The following ZCCHC2 variants were observed in gnomAD, a reference collection of about 807,000 sequenced individuals.
ZCCHC2 encodes zinc finger CCHC-type containing 2, also known as zinc finger CCHC domain-containing protein 2.
Under a neutral mutation model 103.6 loss-of-function variants are expected in ZCCHC2, and 39 were observed. The ratio of observed to expected loss-of-function variants is 0.38; its 90% CI spans 0.29 to 0.49. ZCCHC2 has a LOEUF of 0.49. Ranked by LOEUF, ZCCHC2 falls within the 20% of genes least tolerant of loss-of-function variation. The pLI is 0.96. For synonymous variants in ZCCHC2, 687 were observed against 608.9 expected (o/e 1.13, Z -1.89); for missense variants, 1,483 against 1,491.0 (o/e 0.99, Z 0.09).
At chr18:62,558,957 G>A (rs1314168565) in intron 7 of ZCCHC2, among the ~76,000 whole-genome samples, 187 bp downstream of exon 7, 1 of 152,212 alleles carries the variant, frequency 6.6e-6, no homozygotes, top group East Asian at 1.9e-4. Flanking sequence ...TCAATAAATG[G>A]TGTGTGGACA....
intron 3 of ZCCHC2, 144 bp from the exon 4 acceptor site, chr18:62,544,658 T>C (rs1434305653): frequency 1.4e-5 from 9 of 630,112 alleles, no homozygotes; most frequent in Admixed American, 7.3e-5. Flanking sequence ...TTTGAAATTA[T>C]GACAATGCCA....
At position 62,523,597 on chromosome 18, in the gene ZCCHC2, T is replaced by G; in HGVS notation, c.173T>G (p.Leu58Arg). The change falls in exon 1 of 14, where the codon CTG (leucine) becomes CGG (arginine). Residue 58 changes from leucine to arginine, a missense_variant. By Grantham distance (102) the Leu-to-Arg change is moderately radical. Coordinates refer to ENST00000269499, the MANE Select transcript of ZCCHC2 (RefSeq NM_017742.6). ...PPPAGPSRGP[L>R]PPPPPPRGLG... ...CCCGCGGGCCCGTCGCGGGGCCCTC[T>G]GCCGCCGCCGCCGCCGCCCCGGGGA... The G allele has an allele frequency of 9.7e-7, 1 of 1,036,038 alleles. No homozygotes were observed. Among genetic ancestry groups the G allele is most frequent in the East Asian group, 6.7e-5 (1 of 14,898 alleles). The allele number at this position is 1,036,038 out of a possible 1,614,324, so 64.2% of individuals were successfully genotyped here. A position where few individuals can be genotyped will look rare whatever the true frequency, so the allele number is the denominator to read the frequency against.
At chr18:62,525,645 A>AC (rs1287701963) in intron 1 of ZCCHC2, 2 of 151,444 alleles carry the variant, frequency 1.3e-5, no homozygotes, top group Admixed American at 6.6e-5. Flanking sequence ...TCTAGCCTGA[A>AC]CCCCTTTTTT....
intron 5 of ZCCHC2, among the ~76,000 whole-genome samples, chr18:62,554,486 A>C (rs1295124587): frequency 6.6e-6 from 1 of 152,186 alleles, no homozygotes; most frequent in South Asian, 2.1e-4. Flanking sequence ...TGATTTTTTA[A>C]TATCGGTATA....
intron 11 of ZCCHC2, among the ~76,000 whole-genome samples, chr18:62,567,058 C>T (rs1167655089): frequency 6.6e-6 from 1 of 152,140 alleles, no homozygotes; most frequent in Non-Finnish European, 1.5e-5. Flanking sequence ...CCTCTATATC[C>T]GTCACCGATT....
rs1049751418 is a variant in ZCCHC2, at chr18:62,524,218, T to A, written c.794T>A (p.Met265Lys). The A allele has an allele frequency of 6.5e-7, 1 of 1,549,860 alleles. No individual in the cohort carries two copies. Among genetic ancestry groups the A allele is most frequent in the Admixed American group, 2.0e-5 (1 of 50,976 alleles). ...GAGGAACTGCTGCTGCTCTTCACCATGGCCTCGCTGCACCCGGCTTTCTCC... is the reference window on the plus strand; with the variant it reads ...GAGGAACTGCTGCTGCTCTTCACCAAGGCCTCGCTGCACCCGGCTTTCTCC... ...AQEELLLLFT[M>K]ASLHPAFSFH... The change falls in exon 1 of 14, where the codon ATG (methionine) becomes AAG (lysine). Residue 265 changes from methionine to lysine, a missense_variant. Physicochemically the swap from Met to Lys is moderately conservative, Grantham distance 95. This residue lies in a region of ZCCHC2 where 568 missense variants were observed against 525.1 expected (regional missense o/e 1.08). Coordinates refer to ENST00000269499, the MANE Select transcript of ZCCHC2 (RefSeq NM_017742.6).
At chr18:62,542,819 T>C (rs1328669244) in intron 3 of ZCCHC2, among the ~76,000 whole-genome samples, 5 of 152,226 alleles carry the variant, frequency 3.3e-5, no homozygotes, top group African/African-American at 1.2e-4. Context: ...GGGACGCAAT[T>C]AAGATGTAAG....
intron 5 of ZCCHC2, among the ~76,000 whole-genome samples, chr18:62,555,550 T>C (rs1410557358): frequency 6.6e-6 from 1 of 152,212 alleles, no homozygotes; most frequent in Admixed American, 6.5e-5. Context: ...GGCTCACGCC[T>C]GTAATCCCAG....
chr18:62,527,825 T>A (rs1028261778), intron 1 of ZCCHC2, among the ~76,000 whole-genome samples: 1 of 152,246 alleles, frequency 6.6e-6, no homozygotes, highest in African/African-American at 2.4e-5. Context: ...AGCCAAACTA[T>A]AAATTGTGTG....
chr18:62,559,193 C>G (rs1358360599), intron 7 of ZCCHC2, among the ~76,000 whole-genome samples: 1 of 152,174 alleles, frequency 6.6e-6, no homozygotes, highest in Non-Finnish European at 1.5e-5. Flanking sequence ...TAGAGCTTCT[C>G]TGTGACAAAA....
intron 3 of ZCCHC2, among the ~76,000 whole-genome samples, chr18:62,543,210 A>T (rs1192772017): frequency 6.6e-6 from 1 of 151,904 alleles, no homozygotes; most frequent in Non-Finnish European, 1.5e-5. Context: ...GTGAATCCTC[A>T]CTTCAGTTCC....
chr18:62,564,290 G>A (rs1916250740), intron 9 of ZCCHC2, among the ~76,000 whole-genome samples: 1 of 152,116 alleles, frequency 6.6e-6, no homozygotes, highest in African/African-American at 2.4e-5. Context: ...GCAAGTGCCA[G>A]TCACTTGATT....
downstream of ZCCHC2, among the ~76,000 whole-genome samples, chr18:62,583,230 C>T (rs1237788269): frequency 6.6e-6 from 1 of 152,158 alleles, no homozygotes; most frequent in Non-Finnish European, 1.5e-5. Flanking sequence ...GTTAATTTTG[C>T]TCTATGCACT....
intron 1 of ZCCHC2, chr18:62,524,681 T>G (rs372454354): frequency 2.7e-6 from 1 of 366,616 alleles, no homozygotes; most frequent in Non-Finnish European, 4.9e-6. Context: ...AGGAAAAGTG[T>G]CGGGACGTTT....
At chr18:62,558,629 T>G (rs1199566880) in intron 6 of ZCCHC2, 58 bp from the exon 7 acceptor site, 2 of 1,034,180 alleles carry the variant, frequency 1.9e-6, no homozygotes, top group Non-Finnish European at 2.7e-6. Flanking sequence ...AATTATTATA[T>G]TTGTTTTCTT....
At chr18:62,543,211 C>T (rs117661726) in intron 3 of ZCCHC2, among the ~76,000 whole-genome samples, 1 of 152,278 alleles carries the variant, frequency 6.6e-6, no homozygotes, top group East Asian at 1.9e-4. Flanking sequence ...TGAATCCTCA[C>T]TTCAGTTCCT....
intron 1 of ZCCHC2, among the ~76,000 whole-genome samples, chr18:62,529,181 AGAT>A (rs1247351292): frequency 6.6e-6 from 1 of 151,058 alleles, no homozygotes; most frequent in African/African-American, 2.4e-5. Context: ...AAAAAAAAAA[AGAT>A]GCTTTTTAAA....
At chr18:62,566,907 T>C (rs754567150) in intron 11 of ZCCHC2, among the ~76,000 whole-genome samples, 10 of 152,246 alleles carry the variant, frequency 6.6e-5, no homozygotes, top group Non-Finnish European at 1.5e-4. Context: ...CTTGTTCTAA[T>C]AAATTAGAGG....
At chr18:62,568,889 C>T (rs1916479416) in intron 11 of ZCCHC2, among the ~76,000 whole-genome samples, 1 of 152,232 alleles carries the variant, frequency 6.6e-6, no homozygotes, top group Non-Finnish European at 1.5e-5. Flanking sequence ...GTTAGCTTGT[C>T]TTCAAGCAGC....
Sources: gnomAD v4.1 joint callset for allele counts (sites outside exome capture counted in the v4.1 genomes callset) on GRCh38, gnomAD v4.1.1 for gene constraint, gnomAD v4.1.1 regional missense constraint, MANE v1.5 for transcripts, NCBI Gene and HGNC (gene_info 2026-07-23, HGNC 2026-07-21) for gene names.